SMARCA5: variants seen among roughly 807,000 people sequenced by gnomAD.
The protein encoded by SMARCA5 is SNF2 related chromatin remodeling ATPase 5.
Under a neutral mutation model 140.4 loss-of-function variants are expected in SMARCA5, and 18 were observed. The ratio of observed to expected loss-of-function variants is 0.13; its 90% confidence interval spans 0.09 to 0.19. SMARCA5 has a LOEUF of 0.19. Ranked by LOEUF, SMARCA5 falls within the 10% of genes least tolerant of loss-of-function variation. The pLI is 1.00. For missense variants in SMARCA5, 606 were observed against 1,276.8 expected (o/e 0.47, Z 8.01); for synonymous variants, 449 against 419.6 (o/e 1.07, Z -0.86).
intron 3 of SMARCA5, among the ~76,000 whole-genome samples, chr4:143,521,804 C>T (rs1259037049): frequency 2.1e-5 from 3 of 145,568 alleles, no homozygotes; most frequent in African/African-American, 5.1e-5. Flanking sequence ...TGCCTGTAAT[C>T]GCAGCATTTT....
intron 9 of SMARCA5, among the ~76,000 whole-genome samples, chr4:143,534,182 G>A (rs1040499764): frequency 7.9e-5 from 12 of 151,494 alleles, no homozygotes; most frequent in African/African-American, 2.9e-4. Context: ...TAATGCTATT[G>A]CACACTTAAT....
chr4:143,551,138 A>AT (rs59817821), intron 23 of SMARCA5, among the ~76,000 whole-genome samples: 151,191 of 152,218 alleles, frequency 0.99, 75,096 homozygotes, highest in Middle Eastern at 1. Flanking sequence ...TGTAGTTTTG[A>AT]TTGCATTTCT....
Position 143,517,476 on chromosome 4 carries a change from C to T in SMARCA5, c.252+47C>T, listed in dbSNP as rs200149389. ...AGAGTCTATAAGGAAAACTTTTTAT[C>T]AGGTGATTAAATGTACTAAACATCT... On this transcript the variant is annotated intron_variant, in intron 2 of 23. Coordinates refer to ENST00000283131, the MANE Select transcript of SMARCA5 (RefSeq NM_003601.4). The T allele has an allele frequency of 4.2e-4, 507 of 1,200,442 alleles. 4 individuals are homozygous for T. In the Middle Eastern group the frequency reaches 6.6e-3, roughly 16 times the overall value. The allele number at this position is 1,200,442 out of a possible 1,614,324, so 74.4% of individuals were successfully genotyped here.
chr4:143,551,274 A>G (rs1457708695), intron 23 of SMARCA5, among the ~76,000 whole-genome samples: 1 of 152,008 alleles, frequency 6.6e-6, no homozygotes, highest in African/African-American at 2.4e-5. Flanking sequence ...TTTTTTCAGT[A>G]GAGTTGTTTG....
intron 7 of SMARCA5, among the ~76,000 whole-genome samples, chr4:143,528,226 C>T (rs1036589650): frequency 5.9e-5 from 9 of 152,152 alleles, no homozygotes; most frequent in Non-Finnish European, 1.2e-4. Context: ...TGTCCTAATG[C>T]TCTCCCTCTG....
chr4:143,532,599 G>A (rs570384275), intron 9 of SMARCA5, among the ~76,000 whole-genome samples: 99 of 152,126 alleles, frequency 6.5e-4, no homozygotes, highest in Middle Eastern at 3.4e-3. Context: ...TTTAGAAGTC[G>A]GTATGGATGC....
intron 4 of SMARCA5, among the ~76,000 whole-genome samples, chr4:143,525,045 CT>C (rs57339802): frequency 0.28 from 38,620 of 137,484 alleles, 5,379 homozygotes; most frequent in East Asian, 0.6. Flanking sequence ...TTTCCTATTT[CT>C]TTTTTTTTTT....
Position 143,528,618 on chromosome 4 carries a change from T to C in SMARCA5, c.993T>C (p.Asn331=). 1.2e-6 allele frequency: 2 copies of C among 1,612,734 alleles called. No homozygotes were observed. The highest frequency in any genetic ancestry group is 1.7e-6 in the Non-Finnish European group (2 of 1,179,180). ...TAGTGAGGGAATTCAAGACTACAAA[T>C]AGACTATTATTAACTGGAACACCTC... ...SEIVREFKTT[N]RLLLTGTPLQ... is the part of the protein sequence containing the mutation. Residue 331 remains asparagine, a synonymous_variant, in exon 8 of 24, where the codon AAT becomes AAC. Coordinates refer to ENST00000283131, the MANE Select transcript of SMARCA5 (RefSeq NM_003601.4).
At chr4:143,546,662 G>T in intron 19 of SMARCA5, 114 bp from the exon 20 acceptor site, 1 of 936,648 alleles carries the variant, frequency 1.1e-6, no homozygotes, top group East Asian at 2.6e-5. Flanking sequence ...CACTCTAAAA[G>T]AACTTAATAA....
Position 143,528,033 on chromosome 4 carries a change from T to G in SMARCA5, c.957+10T>G. On this transcript the variant is annotated intron_variant, in intron 7 of 23. Transcript: ENST00000283131. The stretch of plus-strand genomic sequence containing the variant: ...AAATGAAAAATCTAAGGTAATTTGA[T>G]ACTTAGATGTGAAAAGCCTTCATGT... 6.5e-7 allele frequency: 1 copy of G among 1,542,414 alleles called. No homozygotes were observed. Among genetic ancestry groups the G allele is most frequent in the Non-Finnish European group, 8.7e-7 (1 of 1,151,312 alleles).
In SMARCA5 at chr4:143,555,530, A is replaced by G. The variant is rs1737729104; in HGVS notation, c.*2346A>G. 6 of 404,682 alleles carry G rather than the reference A, an allele frequency of 1.5e-5. No homozygotes were observed. The highest frequency in any genetic ancestry group is 1.5e-3 in the Middle Eastern group (2 of 1,350). The allele number at this position is 404,682 out of a possible 1,614,324, so 25.1% of individuals were successfully genotyped here. Reference sequence around the variant, plus strand: ...TTTTGTACCCATGCTGTTGATTGCTAAATGTTTTAATAATCTGATCATGAT... The same window carrying G: ...TTTTGTACCCATGCTGTTGATTGCTGAATGTTTTAATAATCTGATCATGAT... On this transcript the variant is annotated 3_prime_UTR_variant, in exon 24 of 24. Coordinates refer to ENST00000283131, the MANE Select transcript of SMARCA5 (RefSeq NM_003601.4).
intron 15 of SMARCA5, 84 bp from the exon 16 acceptor site, chr4:143,543,769 T>G: frequency 3.3e-6 from 5 of 1,517,982 alleles, no homozygotes. Flanking sequence ...GAAGCTTTTG[T>G]GTACGTGAAG....
Position 143,519,790 on chromosome 4 carries a change from G to A in SMARCA5, c.253-1639G>A, listed in dbSNP as rs539280820. Among the ~76,000 whole-genome samples the A allele has an allele frequency of 2.6e-5, 4 of 152,072 alleles. No individual in the cohort carries two copies. In the East Asian group the frequency reaches 5.8e-4, roughly 22 times the overall value. ...ATAAGTTTATGGTTTTTATTTTCTT[G>A]GACCTTGAGTATTTATTGCCTATCA... On this transcript the variant is annotated intron_variant, in intron 2 of 23. Coordinates refer to ENST00000283131, the MANE Select transcript of SMARCA5 (RefSeq NM_003601.4).
intron 9 of SMARCA5, among the ~76,000 whole-genome samples, chr4:143,531,446 C>T (rs1471753216): frequency 6.6e-6 from 1 of 152,170 alleles, no homozygotes; most frequent in East Asian, 1.9e-4. Flanking sequence ...CCTTAATGAC[C>T]TAACTCAGGA....
At chr4:143,525,091 C>A (rs574919404) in intron 4 of SMARCA5, among the ~76,000 whole-genome samples, 1 of 150,630 alleles carries the variant, frequency 6.6e-6, no homozygotes, top group South Asian at 2.1e-4. Context: ...CCCCAGATAA[C>A]CTGTATCTGG....
intron 20 of SMARCA5, 106 bp from the exon 21 acceptor site, chr4:143,547,279 G>T: frequency 1.5e-6 from 1 of 650,942 alleles, no homozygotes; most frequent in Non-Finnish European, 2.7e-6. Context: ...GCTTAGAATA[G>T]CAGAAATTTA....
intron 22 of SMARCA5, 28 bp downstream of exon 22, chr4:143,548,168 T>C: frequency 1.5e-6 from 2 of 1,354,532 alleles, no homozygotes; most frequent in Non-Finnish European, 2.1e-6. Flanking sequence ...TTTTGTGTAA[T>C]GTAGCAGAGT....
At chr4:143,546,998 T>C in intron 20 of SMARCA5, 90 bp downstream of exon 20, 1 of 1,271,476 alleles carries the variant, frequency 7.9e-7, no homozygotes, top group Non-Finnish European at 1.1e-6. Context: ...GATTAGCTAA[T>C]TTTGTCACAG....
In SMARCA5 at chr4:143,540,550, G is replaced by T. The variant is rs1737407446; in HGVS notation, c.1903+55G>T. ...AGTTGGATTGACACAACCTGTTTTT[G>T]TTTGAAAATCGTCTTAGAAGATTCT... On this transcript the variant is annotated intron_variant, in intron 14 of 23. Transcript: ENST00000283131. The T allele has an allele frequency of 7.2e-6, 11 of 1,536,704 alleles. No individual in the cohort carries two copies. The South Asian group carries it at 1.1e-4, about 15-fold the overall frequency.
Sources: gnomAD v4.1 joint callset for allele counts (sites outside exome capture counted in the v4.1 genomes callset) on GRCh38, gnomAD v4.1.1 for gene constraint, MANE v1.5 for transcripts, NCBI Gene and HGNC (gene_info 2026-07-23, HGNC 2026-07-21) for gene names.